The following FBXL17 variants were observed in gnomAD, a reference collection of about 807,000 sequenced individuals.
FBXL17 encodes F-box/LRR-repeat protein 17.
Under a neutral mutation model 66.2 loss-of-function variants are expected in FBXL17, and 22 were observed. That is an observed-to-expected ratio of 0.33 (90% CI 0.24 to 0.47). The LOEUF is 0.47. Ranked by LOEUF, FBXL17 falls within the 20% of genes least tolerant of loss-of-function variation. The probability of loss-of-function intolerance (pLI) is 1.00; values close to 1 mark genes in which losing one functional copy is unlikely to be tolerated. For missense variants in FBXL17, 878 were observed against 948.2 expected (o/e 0.93, Z 0.97); for synonymous variants, 474 against 400.5 (o/e 1.18, Z -2.19).
chr5:108,080,407 T>G (rs1304743148), intron 6 of FBXL17, among the ~76,000 whole-genome samples: 1 of 152,254 alleles, frequency 6.6e-6, no homozygotes, highest in Non-Finnish European at 1.5e-5. Flanking sequence ...TGTTCAGAAG[T>G]CATGCACTTT....
At position 108,381,203 on chromosome 5, in the gene FBXL17, G is replaced by A; in HGVS notation, c.489C>T (p.Ser163=). 2.1e-6 allele frequency: 3 copies of A among 1,444,076 alleles called. No homozygotes were observed. Among genetic ancestry groups the A allele is most frequent in the Non-Finnish European group, 2.7e-6 (3 of 1,100,128 alleles). The allele number at this position is 1,444,076 out of a possible 1,614,324, so 89.5% of individuals were successfully genotyped here. The change falls in exon 1 of 9, where the codon AGC becomes AGT. Residue 163 remains serine, a synonymous_variant. Coordinates refer to ENST00000542267, the MANE Select transcript of FBXL17 (RefSeq NM_001163315.3). The stretch of plus-strand genomic sequence containing the variant: ...GCCCCAGGAAGCGCACCGGCCCCAA[G>A]CTGGCCAGGAAGAGACTTCGGCCCT... ...EQQGRSLFLA[S]LGPVRFLGPP...
At chr5:108,200,683 C>T (rs1389606138) in intron 5 of FBXL17, among the ~76,000 whole-genome samples, 2 of 139,762 alleles carry the variant, frequency 1.4e-5, no homozygotes, top group African/African-American at 5.3e-5. Context: ...CAGTGGGAAG[C>T]TTTTTCTTGA....
At chr5:108,139,548 T>A (rs1424207216) in intron 6 of FBXL17, among the ~76,000 whole-genome samples, 2 of 152,204 alleles carry the variant, frequency 1.3e-5, no homozygotes, top group Non-Finnish European at 2.9e-5. Flanking sequence ...CAATTCTACA[T>A]TCTGCTCGTC....
chr5:108,025,098 A>C (rs1754750386), intron 6 of FBXL17, among the ~76,000 whole-genome samples: 1 of 152,190 alleles, frequency 6.6e-6, no homozygotes, highest in Non-Finnish European at 1.5e-5. Flanking sequence ...CATTAGTGAC[A>C]ATTGAAAAGA....
chr5:108,302,474 C>A lies in FBXL17; in HGVS notation c.1506+45925G>T, dbSNP rs1045051763. Among the ~76,000 whole-genome samples the A allele has an allele frequency of 2.0e-5, 3 of 151,684 alleles. No homozygotes were observed. In the Admixed American group the frequency reaches 2.0e-4, roughly 10 times the overall value. On this transcript the variant is annotated intron_variant, in intron 4 of 8. Coordinates refer to ENST00000542267, the MANE Select transcript of FBXL17 (RefSeq NM_001163315.3). ...GAAATAATCACTTTTAAGAATTAGC[C>A]TATCATTGCCTAGGGTTGAGAGAAA... is the stretch of plus-strand genomic sequence containing the variant.
intron 7 of FBXL17, among the ~76,000 whole-genome samples, chr5:107,950,002 T>C (rs1013219562): frequency 6.6e-6 from 1 of 152,210 alleles, no homozygotes; most frequent in African/African-American, 2.4e-5. Flanking sequence ...GCAGTCACTT[T>C]GTTGACTGCT....
At chr5:108,026,567 G>A (rs556258256) in intron 6 of FBXL17, among the ~76,000 whole-genome samples, 75 of 152,212 alleles carry the variant, frequency 4.9e-4, no homozygotes, top group African/African-American at 1.7e-3. Flanking sequence ...ATTAACATGC[G>A]AGAGCATTTG....
chr5:108,009,292 T>TAG (rs1182877374), intron 7 of FBXL17, among the ~76,000 whole-genome samples: 2 of 35,942 alleles, frequency 5.6e-5, no homozygotes, highest in East Asian at 8.8e-4. Flanking sequence ...TATATATATA[T>TAG]ATATATATAC....
intron 6 of FBXL17, among the ~76,000 whole-genome samples, chr5:108,129,831 T>C (rs1750861887): frequency 6.6e-6 from 1 of 151,952 alleles, no homozygotes; most frequent in Non-Finnish European, 1.5e-5. Context: ...TCTAAAATAA[T>C]GGTTAAATTA....
chr5:107,972,791 C>A (rs1330479747), intron 7 of FBXL17, among the ~76,000 whole-genome samples: 1 of 152,106 alleles, frequency 6.6e-6, no homozygotes, highest in East Asian at 1.9e-4. Context: ...CTTTTTTTTA[C>A]AGACCTTTCC....
At chr5:108,288,203 A>C (rs1049285860) in intron 4 of FBXL17, among the ~76,000 whole-genome samples, 3 of 151,900 alleles carry the variant, frequency 2.0e-5, no homozygotes, top group Non-Finnish European at 4.4e-5. Flanking sequence ...TCTGTACAGC[A>C]AACCCCCACA....
Position 108,381,039 on chromosome 5 carries a change from C to G in FBXL17, c.653G>C (p.Gly218Ala). ...TPCKQPRCGG[G>A]GCGGGGGGGG... ...GCCGCCGCCGCCGCCGCCGCAGCCCCCGCCGCCGCAGCGGGGCTGCTTGCA... is the reference window on the plus strand; with the variant it reads ...GCCGCCGCCGCCGCCGCCGCAGCCCGCGCCGCCGCAGCGGGGCTGCTTGCA... Residue 218 changes from glycine to alanine, a missense_variant, in exon 1 of 9, where the codon GGG becomes GCG. Physicochemically the swap from Gly to Ala is moderately conservative, Grantham distance 60. This residue lies in a region of FBXL17 where 605 missense variants were observed against 509.5 expected (regional missense o/e 1.19). Coordinates refer to ENST00000542267, the MANE Select transcript of FBXL17 (RefSeq NM_001163315.3). 2 of 1,202,394 alleles carry G rather than the reference C, an allele frequency of 1.7e-6. No individual in the cohort carries two copies. Among genetic ancestry groups the G allele is most frequent in the Admixed American group, 4.4e-5 (1 of 22,554 alleles). The allele number at this position is 1,202,394 out of a possible 1,614,324, so 74.5% of individuals were successfully genotyped here. A position where few individuals can be genotyped will look rare whatever the true frequency, so the allele number is the denominator to read the frequency against.
chr5:107,994,840 AAAAAAC>A (rs892650018), intron 7 of FBXL17, among the ~76,000 whole-genome samples: 7 of 152,218 alleles, frequency 4.6e-5, no homozygotes, highest in African/African-American at 1.4e-4. Context: ...GCTCCATCTC[AAAAAAC>A]AAAAACAAAA....
intron 7 of FBXL17, among the ~76,000 whole-genome samples, chr5:107,993,034 C>T (rs866537129): frequency 6.6e-5 from 10 of 151,880 alleles, no homozygotes; most frequent in East Asian, 1.9e-4. Flanking sequence ...TAGCTGGGAC[C>T]ACAGGCGCCC....
At chr5:108,338,810 G>C (rs1746686021) in intron 4 of FBXL17, among the ~76,000 whole-genome samples, 2 of 152,178 alleles carry the variant, frequency 1.3e-5, no homozygotes, top group African/African-American at 4.8e-5. Context: ...TGCCTGTCAG[G>C]TAACTTTATG....
At position 107,860,210 on chromosome 5, in the gene FBXL17, G is replaced by A. The variant is rs572041083; in HGVS notation, c.*1510C>T. 1.4e-4 allele frequency: 21 copies of A among 152,578 alleles called. No individual in the cohort carries two copies. The highest frequency in any genetic ancestry group is 1.2e-4 in the Non-Finnish European group (8 of 68,008). The allele number at this position is 152,578 out of a possible 1,614,324, so 9.5% of individuals were successfully genotyped here. On this transcript the variant is annotated 3_prime_UTR_variant, in exon 9 of 9. Transcript: ENST00000542267. ...GTTTCTTACAGCTAATGTCATGTTA[G>A]CAATGTGAGACTTAAAGAAAGTGAA...
At chr5:107,972,597 G>C (rs547553705) in intron 7 of FBXL17, among the ~76,000 whole-genome samples, 35 of 152,076 alleles carry the variant, frequency 2.3e-4, no homozygotes, top group Non-Finnish European at 4.3e-4. Context: ...CTTCTACAGG[G>C]ATGGAGAACT....
intron 7 of FBXL17, among the ~76,000 whole-genome samples, chr5:107,995,791 G>C (rs757434063): frequency 6.6e-6 from 1 of 152,058 alleles, no homozygotes; most frequent in Non-Finnish European, 1.5e-5. Context: ...AATTAGTTCT[G>C]TGAAACCTAA....
chr5:107,885,226 G>T (rs1377922652), intron 7 of FBXL17, among the ~76,000 whole-genome samples: 1 of 152,168 alleles, frequency 6.6e-6, no homozygotes, highest in African/African-American at 2.4e-5. Context: ...AACTAATGAA[G>T]AAAGTTAAAT....
Sources: allele counts gnomAD v4.1 joint callset (sites outside exome capture counted in the v4.1 genomes callset), GRCh38; gene constraint gnomAD v4.1.1; regional missense constraint gnomAD v4.1.1; transcripts MANE v1.5; gene names NCBI Gene and HGNC (gene_info 2026-07-23, HGNC 2026-07-21).